Variants in BMPR1B observed in about 807,000 individuals in gnomAD.
The protein encoded by BMPR1B is bone morphogenetic protein receptor type-1B.
BMPR1B carries 12 observed loss-of-function variants against 59.1 expected under a neutral mutation model. The observed-to-expected ratio is 0.20, with a 90% CI of 0.13 to 0.33. The LOEUF (loss-of-function observed/expected upper bound fraction) is 0.33. BMPR1B is among the 10% of genes least tolerant of loss of function. The pLI, the probability that BMPR1B is intolerant of heterozygous loss-of-function variation, is 1.00. For missense variants in BMPR1B, 550 were observed against 610.9 expected (o/e 0.90, Z 1.05); for synonymous variants, 237 against 207.3 (o/e 1.14, Z -1.23).
At chr4:94,810,771 C>T (rs1723780419) in intron 1 of BMPR1B, among the ~76,000 whole-genome samples, 1 of 152,262 alleles carries the variant, frequency 6.6e-6, no homozygotes, top group East Asian at 1.9e-4. Context: ...TGCATTGTGT[C>T]CTTTTCACCC....
At chr4:95,106,438 G>A (rs1231982916) in intron 4 of BMPR1B, among the ~76,000 whole-genome samples, 1 of 152,054 alleles carries the variant, frequency 6.6e-6, no homozygotes, top group Non-Finnish European at 1.5e-5. Context: ...ATGATCTTGA[G>A]CTAGGGTGGT....
Position 94,793,937 on chromosome 4 carries a change from G to T in BMPR1B, c.-183+35869G>T, listed in dbSNP as rs1442338815. Among the ~76,000 whole-genome samples, 504 of 149,250 alleles carry T rather than the reference G, an allele frequency of 3.4e-3. 1 individual carries two copies. Among genetic ancestry groups the T allele is most frequent in the African/African-American group, 0.011 (451 of 40,844 alleles). On this transcript the variant is annotated intron_variant, in intron 1 of 12. Coordinates refer to ENST00000515059, the MANE Select transcript of BMPR1B (RefSeq NM_001203.3). The stretch of plus-strand genomic sequence containing the variant: ...ATATTAGCCCTTTGTCAGATGAGTA[G>T]GTTGCGAAAATTTTCTCCCATTTTG...
intron 3 of BMPR1B, among the ~76,000 whole-genome samples, chr4:95,030,316 G>C (rs941791539): frequency 1.3e-5 from 2 of 152,270 alleles, no homozygotes; most frequent in Non-Finnish European, 2.9e-5. Context: ...AAGGGATCCA[G>C]TTTCAGCTTT....
At chr4:94,972,124 T>G (rs1730813676) in intron 2 of BMPR1B, among the ~76,000 whole-genome samples, 1 of 151,670 alleles carries the variant, frequency 6.6e-6, no homozygotes, top group Non-Finnish European at 1.5e-5. Flanking sequence ...AGTCTGCTTA[T>G]TTTTTCTACA....
chr4:95,091,734 A>G (rs1730004894), intron 3 of BMPR1B: 1 of 906,968 alleles, frequency 1.1e-6, no homozygotes, highest in Non-Finnish European at 1.3e-6. Context: ...AAAAGCTGTT[A>G]GAACTTAGCC....
chr4:94,978,820 A>T (rs1731124606), intron 2 of BMPR1B, among the ~76,000 whole-genome samples: 1 of 152,074 alleles, frequency 6.6e-6, no homozygotes, highest in African/African-American at 2.4e-5. Context: ...GGTAATTTAT[A>T]AAGAAAAAGA....
At chr4:94,988,618 T>G (rs1343511016) in intron 2 of BMPR1B, among the ~76,000 whole-genome samples, 5 of 152,182 alleles carry the variant, frequency 3.3e-5, no homozygotes. Context: ...TTATTTCAGT[T>G]GAAAAGAACA....
At chr4:95,042,337 CCAAA>C (rs1362739941) in intron 3 of BMPR1B, among the ~76,000 whole-genome samples, 8 of 152,238 alleles carry the variant, frequency 5.3e-5, no homozygotes, top group East Asian at 3.9e-4. Context: ...AATGGTGATG[CCAAA>C]CAAACAGATT....
intron 1 of BMPR1B, among the ~76,000 whole-genome samples, chr4:94,869,095 AACACACACACACACACACACACAC>A (rs59407857): frequency 4.2e-5 from 6 of 144,540 alleles, no homozygotes; most frequent in African/African-American, 1.0e-4. Flanking sequence ...TTTACTATCA[AACACACACACACACACACACACAC>A]ACACACACAC....
intron 1 of BMPR1B, among the ~76,000 whole-genome samples, chr4:94,820,604 G>C (rs1724172759): frequency 6.6e-6 from 1 of 152,196 alleles, no homozygotes; most frequent in Non-Finnish European, 1.5e-5. Context: ...TTTTCTCTGA[G>C]GACTTGAAAG....
At chr4:95,060,587 CAG>C (rs1188864555) in intron 3 of BMPR1B, among the ~76,000 whole-genome samples, 6 of 152,148 alleles carry the variant, frequency 3.9e-5, no homozygotes, top group African/African-American at 1.4e-4. Flanking sequence ...GTCTCTTCCT[CAG>C]ATACATTTAA....
chr4:95,137,237 C>G (rs539441072), intron 10 of BMPR1B, among the ~76,000 whole-genome samples: 22 of 152,248 alleles, frequency 1.4e-4, no homozygotes, highest in South Asian at 4.1e-4. Flanking sequence ...GTTTCTTAAT[C>G]CTGAGTTCTA....
chr4:94,938,483 A>G (rs1729398913), intron 2 of BMPR1B, among the ~76,000 whole-genome samples: 2 of 151,836 alleles, frequency 1.3e-5, no homozygotes, highest in South Asian at 4.2e-4. Context: ...TCACAGAGCG[A>G]GACTGTGTCT....
At chr4:95,051,323 A>G (rs1479602365) in intron 3 of BMPR1B, among the ~76,000 whole-genome samples, 1 of 152,240 alleles carries the variant, frequency 6.6e-6, no homozygotes, top group Non-Finnish European at 1.5e-5. Context: ...AGCGTTTTAA[A>G]TGAGGTTTGC....
At chr4:94,813,992 C>A (rs992168101) in intron 1 of BMPR1B, among the ~76,000 whole-genome samples, 1 of 152,140 alleles carries the variant, frequency 6.6e-6, no homozygotes, top group Non-Finnish European at 1.5e-5. Context: ...ATGAGATATG[C>A]AGGTGGGACT....
At chr4:94,978,985 G>GT (rs1731134898) in intron 2 of BMPR1B, among the ~76,000 whole-genome samples, 1 of 145,174 alleles carries the variant, frequency 6.9e-6, no homozygotes, top group Non-Finnish European at 1.5e-5. Context: ...CACACGAAAG[G>GT]TAAGAGTAGA....
At chr4:94,875,518 A>G (rs1726689234) in intron 1 of BMPR1B, among the ~76,000 whole-genome samples, 1 of 152,180 alleles carries the variant, frequency 6.6e-6, no homozygotes, top group South Asian at 2.1e-4. Flanking sequence ...CCCCGTCTCT[A>G]CTAAAAATAC....
intron 2 of BMPR1B, among the ~76,000 whole-genome samples, chr4:94,934,453 G>GTT (rs371268875): frequency 2.6e-5 from 3 of 115,280 alleles, no homozygotes; most frequent in African/African-American, 3.5e-5. Context: ...CCCAGCTATG[G>GTT]TTTTTTTTTT....
At chr4:94,913,960 G>A (rs1340182678) in intron 2 of BMPR1B, among the ~76,000 whole-genome samples, 2 of 152,058 alleles carry the variant, frequency 1.3e-5, no homozygotes, top group African/African-American at 2.4e-5. Context: ...TATTGGATAG[G>A]GTAGGTCCTA....
Sources: allele counts gnomAD v4.1 joint callset (sites outside exome capture counted in the v4.1 genomes callset), GRCh38; gene constraint gnomAD v4.1.1; transcripts MANE v1.5; gene names NCBI Gene and HGNC (gene_info 2026-07-23, HGNC 2026-07-21).